SPACA7: variants seen among roughly 807,000 people sequenced by gnomAD.
SPACA7 encodes sperm acrosome associated 7, also known as sperm acrosome-associated protein 7.
In SPACA7, 19 loss-of-function variants were observed where a neutral mutation model predicts 26.3. That is an observed-to-expected ratio of 0.72 (90% CI 0.50 to 1.06). The LOEUF is 1.06. SPACA7 is among the 50% of genes least tolerant of loss of function. The pLI, the probability that SPACA7 is intolerant of heterozygous loss-of-function variation, is 0.00. For missense variants in SPACA7, 211 were observed against 229.9 expected (o/e 0.92, Z 0.53); for synonymous variants, 84 against 84.5 (o/e 0.99, Z 0.04).
Position 112,404,097 on chromosome 13 carries a change from A to G in SPACA7, c.445+2933A>G, listed in dbSNP as rs576778161. Among the ~76,000 whole-genome samples, 32 of 152,008 alleles carry G rather than the reference A, an allele frequency of 2.1e-4. No individual in the cohort carries two copies. In the South Asian group the frequency reaches 6.7e-3, roughly 32 times the overall value. On this transcript the variant is annotated intron_variant, in intron 5 of 6. Coordinates refer to ENST00000283550, the MANE Select transcript of SPACA7 (RefSeq NM_145248.5). Reference sequence around the variant, plus strand: ...CCACATCACCATCTATTATTTTTTGATTTTTTGATTATGGCCACTCTTGCA... The same window carrying G: ...CCACATCACCATCTATTATTTTTTGGTTTTTTGATTATGGCCACTCTTGCA...
At chr13:112,394,670 C>T (rs1339257242) in intron 2 of SPACA7, among the ~76,000 whole-genome samples, 8 of 152,224 alleles carry the variant, frequency 5.3e-5, no homozygotes, top group Admixed American at 1.3e-4. Flanking sequence ...GGAACTGCCC[C>T]AGGCAGGAGT....
chr13:112,424,175 G>A (rs925192003), intron 5 of SPACA7, among the ~76,000 whole-genome samples: 11 of 152,282 alleles, frequency 7.2e-5, no homozygotes, highest in Admixed American at 2.0e-4. Context: ...CGAAGGCACC[G>A]CATGTGACCA....
intron 6 of SPACA7, among the ~76,000 whole-genome samples, chr13:112,433,630 G>A (rs1305904406): frequency 1.4e-5 from 2 of 138,638 alleles, no homozygotes; most frequent in Non-Finnish European, 3.3e-5. Flanking sequence ...CGCTGGAGAC[G>A]ACCTCCCTGC....
At position 112,434,689 on chromosome 13, in the gene SPACA7, A is replaced by T; in HGVS notation, c.*140A>T. 1.5e-6 allele frequency: 1 copy of T among 658,264 alleles called. No homozygotes were observed. The highest frequency in any genetic ancestry group is 2.6e-6 in the Non-Finnish European group (1 of 382,910). 40.8% of individuals were successfully genotyped at this position (658,264 alleles called of 1,614,324 possible). On this transcript the variant is annotated 3_prime_UTR_variant, in exon 7 of 7. Coordinates refer to ENST00000283550, the MANE Select transcript of SPACA7 (RefSeq NM_145248.5). ...TAAAGGAAAATCGTTTATTCACACG[A>T]TCCCAATTGGAGTTGGTTTATTTAA...
intron 5 of SPACA7, among the ~76,000 whole-genome samples, chr13:112,404,511 T>C (rs534528762): frequency 6.6e-6 from 1 of 152,358 alleles, no homozygotes; most frequent in South Asian, 2.1e-4. Flanking sequence ...TAGAAGGTTT[T>C]TTTCCAATGT....
intron 4 of SPACA7, among the ~76,000 whole-genome samples, chr13:112,399,858 C>A (rs547997918): frequency 6.6e-6 from 1 of 152,166 alleles, no homozygotes; most frequent in Non-Finnish European, 1.5e-5. Context: ...AACTTACAAT[C>A]ATGGCAGAAG....
chr13:112,429,115 G>T lies in SPACA7; in HGVS notation c.446-3329G>T, dbSNP rs372104559. ...GACTCTTGGCCAGGTGCAGTGGCTT[G>T]TGCCTGTAATCCTAACACTGGGAGT... On this transcript the variant is annotated intron_variant, in intron 5 of 6. Coordinates refer to ENST00000283550, the MANE Select transcript of SPACA7 (RefSeq NM_145248.5). Among the ~76,000 whole-genome samples the T allele has an allele frequency of 1.8e-3, 274 of 152,234 alleles. 10 individuals carry two copies. The East Asian group carries it at 0.046, about 26-fold the overall frequency.
chr13:112,430,174 C>CTGTG lies in SPACA7; in HGVS notation c.446-2238_446-2235dup, dbSNP rs61438595. On this transcript the variant is annotated intron_variant, in intron 5 of 6. Transcript: ENST00000283550. ...CAAGGCATCCCTTGCATCTCTCTCT[C>CTGTG]TGTGTGTGTGTGTGTGTGTGTGTGT... Among the ~76,000 whole-genome samples the CTGTG allele has an allele frequency of 9.2e-3, 1,240 of 134,298 alleles. 17 individuals carry two copies. The highest frequency in any genetic ancestry group is 0.027 in the African/African-American group (966 of 36,450). The allele number at this position is 134,298 out of a possible 152,430, so 88.1% of individuals were successfully genotyped here.
intron 1 of SPACA7, among the ~76,000 whole-genome samples, chr13:112,383,026 A>AAGAGAGAGAGAGAGAGAGAGAG (rs1555324355): frequency 2.1e-5 from 2 of 95,220 alleles, no homozygotes; most frequent in African/African-American, 7.1e-5. Flanking sequence ...GAAAGAAAGA[A>AAGAGAGAGAGAGAGAGAGAGAG]AGAGAGAGAG....
intron 5 of SPACA7, among the ~76,000 whole-genome samples, chr13:112,428,757 G>T (rs1264771517): frequency 1.3e-5 from 2 of 152,026 alleles, no homozygotes; most frequent in East Asian, 3.9e-4. Flanking sequence ...TTTAAATATA[G>T]CCCAGAATAT....
In SPACA7 at chr13:112,398,074, A is replaced by G. The variant is rs2296895; in HGVS notation, c.177A>G (p.Leu59=). 0.6 allele frequency: 971,048 copies of G among 1,608,854 alleles called. 296,521 individuals are homozygous for G. The highest frequency in any genetic ancestry group is 0.79 in the African/African-American group (59,199 of 74,858). ...LLDEILVQEI[L]DLNKTTPSEM... is the part of the protein sequence containing the mutation. ...ATGAAATTCTGGTCCAGGAGATTTT[A>G]GATCTGAATAAAACAACACCGAGCG... The change falls in exon 3 of 7, where the codon TTA becomes TTG. Residue 59 remains leucine (L), a synonymous_variant. Coordinates refer to ENST00000283550, the MANE Select transcript of SPACA7 (RefSeq NM_145248.5).
chr13:112,420,874 C>G lies in SPACA7; in HGVS notation c.446-11570C>G, dbSNP rs368918816. On this transcript the variant is annotated intron_variant, in intron 5 of 6. Transcript: ENST00000283550. ...TAGAAAAAAACCAAGATAGGAATTACAGCAAACTTCATATCAGAAACTATA... is the reference window on the plus strand; with the variant it reads ...TAGAAAAAAACCAAGATAGGAATTAGAGCAAACTTCATATCAGAAACTATA... Among the ~76,000 whole-genome samples, 5 of 152,186 alleles carry G rather than the reference C, an allele frequency of 3.3e-5. No individual in the cohort carries two copies. The East Asian group carries it at 5.8e-4, about 18-fold the overall frequency.
intron 5 of SPACA7, among the ~76,000 whole-genome samples, chr13:112,423,453 A>T (rs1594323014): frequency 6.6e-6 from 1 of 152,258 alleles, no homozygotes; most frequent in South Asian, 2.1e-4. Context: ...TAGGAGAAAC[A>T]GAAACAAAAA....
In SPACA7 at chr13:112,416,550, G is replaced by T. The variant is rs553504890; in HGVS notation, c.445+15386G>T. 2.1e-4 allele frequency among the ~76,000 whole-genome samples: 32 copies of T among 152,226 alleles called. No homozygotes were observed. In the South Asian group the frequency reaches 6.6e-3, roughly 32 times the overall value. On this transcript the variant is annotated intron_variant, in intron 5 of 6. Transcript: ENST00000283550. ...GATCCACCCACCTTGGCCTCTCAAA[G>T]TGCTGGGATTACAGGTGTGAGCCAC... is the stretch of plus-strand genomic sequence containing the variant.
At chr13:112,416,945 T>C (rs1449871930) in intron 5 of SPACA7, among the ~76,000 whole-genome samples, 1 of 152,180 alleles carries the variant, frequency 6.6e-6, no homozygotes, top group Non-Finnish European at 1.5e-5. Flanking sequence ...CACAAATCTT[T>C]AGACTCTTGT....
chr13:112,380,624 A>G (rs544922542), intron 1 of SPACA7, among the ~76,000 whole-genome samples: 16 of 152,118 alleles, frequency 1.1e-4, no homozygotes, highest in African/African-American at 3.9e-4. Flanking sequence ...ATCTTTCCAT[A>G]CTAATTTACG....
intron 1 of SPACA7, among the ~76,000 whole-genome samples, chr13:112,377,415 A>G (rs1443552470): frequency 6.6e-6 from 1 of 152,182 alleles, no homozygotes; most frequent in Non-Finnish European, 1.5e-5. Flanking sequence ...TTATTATGGA[A>G]AATTTCTAAC....
rs148939208 is a variant in SPACA7 at position 112,429,701 on chromosome 13, A to C, written c.446-2743A>C. 2.8e-3 allele frequency among the ~76,000 whole-genome samples: 428 copies of C among 152,074 alleles called. 1 individual carries two copies. Among genetic ancestry groups the C allele is most frequent in the African/African-American group, 9.8e-3 (408 of 41,478 alleles). On this transcript the variant is annotated intron_variant, in intron 5 of 6. Coordinates refer to ENST00000283550, the MANE Select transcript of SPACA7 (RefSeq NM_145248.5). ...GTCATTTCTGGGTCAATTTTGATTA[A>C]TTTTTCTTCTCATTGTAGATGATAT...
At chr13:112,402,088 G>A (rs1885684224) in intron 5 of SPACA7, among the ~76,000 whole-genome samples, 2 of 152,084 alleles carry the variant, frequency 1.3e-5, no homozygotes, top group Non-Finnish European at 2.9e-5. Flanking sequence ...TTGAGTTTAT[G>A]TTTTTATTGG....
Sources: allele counts gnomAD v4.1 joint callset (sites outside exome capture counted in the v4.1 genomes callset), GRCh38; gene constraint gnomAD v4.1.1; transcripts MANE v1.5; gene names NCBI Gene and HGNC (gene_info 2026-07-23, HGNC 2026-07-21).